Variants in LMX1A observed in about 807,000 individuals in gnomAD.
The protein encoded by LMX1A is LIM homeobox transcription factor 1 alpha.
LMX1A carries 15 observed loss-of-function variants against 49.1 expected under a neutral mutation model. That is an observed-to-expected ratio of 0.31 (90% CI 0.20 to 0.47). The LOEUF is 0.47. Ranked by LOEUF, LMX1A falls within the 20% of genes least tolerant of loss-of-function variation. The pLI is 1.00. For synonymous variants in LMX1A, 167 were observed against 185.7 expected, an observed-to-expected ratio of 0.90 and a Z score of 0.82; for missense variants, 372 against 475.8, an observed-to-expected ratio of 0.78 and a Z score of 2.03.
intron 3 of LMX1A, among the ~76,000 whole-genome samples, chr1:165,259,230 C>A (rs1381605188): frequency 6.6e-6 from 1 of 152,180 alleles, no homozygotes; most frequent in African/African-American, 2.4e-5. Context: ...CAACAAACAA[C>A]TGTGAAAGGC....
intron 4 of LMX1A, among the ~76,000 whole-genome samples, chr1:165,225,190 G>A (rs1196366471): frequency 2.0e-5 from 3 of 152,186 alleles, no homozygotes; most frequent in East Asian, 3.8e-4. Flanking sequence ...TTGGTCAGGA[G>A]GCCCTCAGCC....
intron 2 of LMX1A, among the ~76,000 whole-genome samples, chr1:165,353,669 T>G (rs1163261797): frequency 6.6e-6 from 1 of 152,240 alleles, no homozygotes; most frequent in Admixed American, 6.5e-5. Context: ...TGAGAATGCA[T>G]AAGAACAATT....
chr1:165,292,011 G>A (rs1011316341), intron 3 of LMX1A, among the ~76,000 whole-genome samples: 1 of 141,534 alleles, frequency 7.1e-6, no homozygotes, highest in Admixed American at 7.6e-5. Context: ...GCAGTGAGTC[G>A]AGATCGCGCC....
chr1:165,303,389 G>A (rs1237811335), intron 3 of LMX1A, among the ~76,000 whole-genome samples: 2 of 152,322 alleles, frequency 1.3e-5, no homozygotes, highest in Non-Finnish European at 2.9e-5. Flanking sequence ...ATGTGCTGGG[G>A]GCTGGGAACG....
intron 3 of LMX1A, among the ~76,000 whole-genome samples, chr1:165,330,638 G>T (rs891044838): frequency 2.0e-5 from 3 of 152,160 alleles, no homozygotes; most frequent in Admixed American, 2.0e-4. Flanking sequence ...TATTGAAAGG[G>T]AGTCACCACA....
At chr1:165,278,213 A>C (rs913112948) in intron 3 of LMX1A, among the ~76,000 whole-genome samples, 22 of 152,320 alleles carry the variant, frequency 1.4e-4, no homozygotes, top group African/African-American at 5.3e-4. Flanking sequence ...GTCCTGTCCC[A>C]GTTTACTTCA....
At position 165,216,010 on chromosome 1, in the gene LMX1A, C is replaced by T. The variant is rs552246354; in HGVS notation, c.497-2197G>A. The stretch of plus-strand genomic sequence containing the variant: ...AAGGGTGTCTTTTCCCTCTGCCTCA[C>T]CCCTCTCAATAGTACAAATAAAACC... On this transcript the variant is annotated intron_variant, in intron 4 of 8. Coordinates refer to ENST00000342310, the MANE Select transcript of LMX1A (RefSeq NM_177398.4). The T allele has an allele frequency of 2.0e-5, 3 of 152,316 alleles. No homozygotes were observed. In the East Asian group the frequency reaches 5.8e-4, roughly 29 times the overall value. 9.4% of individuals were successfully genotyped at this position (152,316 alleles called of 1,614,324 possible). A position where few individuals can be genotyped will look rare whatever the true frequency, so the allele number is the denominator to read the frequency against.
Position 165,207,084 on chromosome 1 carries a change from C to T in LMX1A, c.817+979G>A, listed in dbSNP as rs542279283. ...GTGGTCCACAGACTAGCAGCAATGG[C>T]ACCACCAAAAAGCTTGTTAAAAAGG... On this transcript the variant is annotated intron_variant, in intron 7 of 8. Coordinates refer to ENST00000342310, the MANE Select transcript of LMX1A (RefSeq NM_177398.4). Among the ~76,000 whole-genome samples the T allele has an allele frequency of 7.2e-5, 11 of 152,288 alleles. 1 individual carries two copies. In the East Asian group the frequency reaches 1.9e-3, roughly 27 times the overall value.
chr1:165,263,216 C>G (rs4657428), intron 3 of LMX1A, among the ~76,000 whole-genome samples: 80,438 of 152,072 alleles, frequency 0.53, 22,703 homozygotes, highest in South Asian at 0.81. Flanking sequence ...TCCACCCCAG[C>G]TTGCTCTTTT....
chr1:165,339,568 G>A (rs1039153140), intron 3 of LMX1A, among the ~76,000 whole-genome samples: 4 of 152,176 alleles, frequency 2.6e-5, no homozygotes, highest in African/African-American at 9.7e-5. Flanking sequence ...TCGCTCTACT[G>A]CCATTCCCAG....
At chr1:165,301,468 A>G (rs75535006) in intron 3 of LMX1A, among the ~76,000 whole-genome samples, 2,272 of 152,284 alleles carry the variant, frequency 0.015, 66 homozygotes, top group African/African-American at 0.053. Context: ...CACAGAGGAC[A>G]AGGAGCTGGG....
chr1:165,272,518 T>G (rs756185287), intron 3 of LMX1A, among the ~76,000 whole-genome samples: 3 of 152,100 alleles, frequency 2.0e-5, no homozygotes, highest in Non-Finnish European at 4.4e-5. Flanking sequence ...TCCAAACAAG[T>G]GCACATTCCA....
intron 4 of LMX1A, among the ~76,000 whole-genome samples, chr1:165,229,881 G>A (rs953316826): frequency 6.6e-6 from 1 of 152,184 alleles, no homozygotes; most frequent in Admixed American, 6.5e-5. Context: ...ATTGGGAAAT[G>A]CAGACCAAGA....
rs118033046 is a variant in LMX1A, at chr1:165,323,647, G to C, written c.263+29429C>G. Among the ~76,000 whole-genome samples, 340 of 152,274 alleles carry C rather than the reference G, an allele frequency of 2.2e-3. 2 individuals carry two copies. The highest frequency in any genetic ancestry group is 4.3e-3 in the Non-Finnish European group (292 of 68,020). On this transcript the variant is annotated intron_variant, in intron 3 of 8. Transcript: ENST00000342310. ...GATCTCTGCAAACTGCCTTTTTAAA[G>C]ATCTGAATCCAAATTTACCTACTCT...
intron 4 of LMX1A, among the ~76,000 whole-genome samples, chr1:165,237,464 G>T (rs1246749437): frequency 1.3e-5 from 2 of 151,994 alleles, no homozygotes; most frequent in African/African-American, 2.4e-5. Context: ...TGATCCGCCC[G>T]CCTCGGCCTC....
chr1:165,244,252 A>G (rs958532634), intron 4 of LMX1A, among the ~76,000 whole-genome samples: 3 of 152,168 alleles, frequency 2.0e-5, no homozygotes, highest in Non-Finnish European at 2.9e-5. Flanking sequence ...GTTCATCTGT[A>G]TCCTTTAAAA....
chr1:165,221,039 T>A (rs1315302393), intron 4 of LMX1A, among the ~76,000 whole-genome samples: 2 of 152,154 alleles, frequency 1.3e-5, no homozygotes, highest in Non-Finnish European at 2.9e-5. Flanking sequence ...AATGCCTTGT[T>A]ATCGGTTTTT....
chr1:165,237,277 G>C (rs941458049), intron 4 of LMX1A, among the ~76,000 whole-genome samples: 1 of 152,158 alleles, frequency 6.6e-6, no homozygotes, highest in African/African-American at 2.4e-5. Context: ...AGGCTGGAGC[G>C]CAGTGGCACG....
chr1:165,291,112 C>G (rs1252853927), intron 3 of LMX1A, among the ~76,000 whole-genome samples: 1 of 152,182 alleles, frequency 6.6e-6, no homozygotes, highest in Non-Finnish European at 1.5e-5. Context: ...ATTAACCCTA[C>G]AAACACCAGA....
Sources: gnomAD v4.1 joint callset for allele counts (sites outside exome capture counted in the v4.1 genomes callset) on GRCh38, gnomAD v4.1.1 for gene constraint, MANE v1.5 for transcripts, NCBI Gene and HGNC (gene_info 2026-07-23, HGNC 2026-07-21) for gene names.